Variants in LGR4 observed in about 807,000 individuals in gnomAD.
LGR4 encodes the protein leucine rich repeat containing G protein-coupled receptor 4, also known as leucine-rich repeat-containing G protein-coupled receptor 4.
A neutral mutation model predicts 84.8 loss-of-function variants in LGR4; 44 were observed. The ratio of observed to expected loss-of-function variants is 0.52; its 90% CI spans 0.41 to 0.67. The LOEUF (loss-of-function observed/expected upper bound fraction) is 0.67, where lower values mean the gene tolerates loss of function less well. Among genes scored for constraint, LGR4 ranks in the 30% least tolerant of loss-of-function variants. LGR4 has a pLI of 0.00. For missense variants in LGR4, 1,032 were observed against 1,131.4 expected, an observed-to-expected ratio of 0.91 and a Z score of 1.26; for synonymous variants, 429 against 434.3, an observed-to-expected ratio of 0.99 and a Z score of 0.15.
chr11:27,380,820 T>C (rs541686796), intron 8 of LGR4, 75 bp downstream of exon 8: 1 of 1,184,190 alleles, frequency 8.4e-7, no homozygotes, highest in Non-Finnish European at 1.3e-6. Flanking sequence ...TCTCATTCTT[T>C]ATCAGGGTGT....
chr11:27,437,715 C>T (rs1195439474), intron 1 of LGR4, among the ~76,000 whole-genome samples: 1 of 136,438 alleles, frequency 7.3e-6, no homozygotes, highest in Non-Finnish European at 1.6e-5. Flanking sequence ...TAAAAGAAAT[C>T]ATAAAGCTAG....
rs779480490 is a variant in LGR4, at chr11:27,380,261, CCTTA to C, written c.971+6_971+9del. 1.3e-6 allele frequency: 2 copies of C among 1,585,510 alleles called. No homozygotes were observed. The highest frequency in any genetic ancestry group is 1.1e-5 in the South Asian group (1 of 88,882). On this transcript the variant is annotated splice_donor_region_variant and intron_variant, in intron 10 of 17. Transcript: ENST00000379214. ...CTTTATACAACCCCTCTTCAAAGGG[CCTTA>C]CTTACAGACTTTCCAGGTGGACAGT...
chr11:27,447,814 T>C (rs1224063254), intron 1 of LGR4, among the ~76,000 whole-genome samples: 1 of 152,216 alleles, frequency 6.6e-6, no homozygotes, highest in Non-Finnish European at 1.5e-5. Context: ...CACAATATGT[T>C]TGACTAATGT....
In LGR4 at chr11:27,391,251, T is replaced by C. The variant is rs796908516; in HGVS notation, c.330-86A>G. 1.6e-3 allele frequency: 651 copies of C among 414,940 alleles called. 6 individuals carry two copies. The highest frequency in any genetic ancestry group is 0.016 in the African/African-American group (556 of 35,844). The allele number at this position is 414,940 out of a possible 1,614,324, so 25.7% of individuals were successfully genotyped here. A position where few individuals can be genotyped will look rare whatever the true frequency, so the allele number is the denominator to read the frequency against. On this transcript the variant is annotated intron_variant, in intron 3 of 17. Transcript: ENST00000379214. ...ATTCAGAGCCTTTTTTTTTTTTTTT[T>C]CAAAAAATATTTCCAATGGGAAAAT...
Position 27,394,442 on chromosome 11 carries a change from G to A in LGR4, c.258-1924C>T, listed in dbSNP as rs568298868. On this transcript the variant is annotated intron_variant, in intron 2 of 17. Transcript: ENST00000379214. ...TTTTGAGACGGAGTCTCACTCTGTC[G>A]CCCAGGCTGGAGTGCAGTGGTGCAA... Among the ~76,000 whole-genome samples the A allele has an allele frequency of 7.0e-4, 106 of 151,734 alleles. 1 individual carries two copies. The highest frequency in any genetic ancestry group is 1.4e-3 in the Non-Finnish European group (97 of 67,946).
intron 2 of LGR4, among the ~76,000 whole-genome samples, chr11:27,400,653 C>T (rs533872830): frequency 2.9e-4 from 44 of 152,162 alleles, no homozygotes; most frequent in Non-Finnish European, 5.1e-4. Flanking sequence ...CAGGCGCCCG[C>T]CACTATGCCT....
chr11:27,397,371 T>C (rs1404098616), intron 2 of LGR4, among the ~76,000 whole-genome samples: 1 of 152,192 alleles, frequency 6.6e-6, no homozygotes, highest in African/African-American at 2.4e-5. Flanking sequence ...ACTGCTCTGA[T>C]CTTCTTCAAT....
intron 2 of LGR4, among the ~76,000 whole-genome samples, chr11:27,397,962 C>T (rs529535523): frequency 1.5e-4 from 23 of 152,308 alleles, no homozygotes; most frequent in African/African-American, 5.3e-4. Flanking sequence ...TCTAGATTTC[C>T]GCTTTCCCAC....
intron 1 of LGR4, among the ~76,000 whole-genome samples, chr11:27,466,029 G>A (rs1316379000): frequency 6.6e-6 from 1 of 152,206 alleles, no homozygotes; most frequent in African/African-American, 2.4e-5. Context: ...CCAACAACTT[G>A]AAGGCCGCAC....
Position 27,440,663 on chromosome 11 carries a change from G to A in LGR4, c.186-27803C>T, listed in dbSNP as rs531578675. 8.5e-5 allele frequency among the ~76,000 whole-genome samples: 13 copies of A among 152,176 alleles called. No homozygotes were observed. The South Asian group carries it at 2.5e-3, about 29-fold the overall frequency. Reference sequence around the variant, plus strand: ...TGTAACTTTGTTCCCACAAAGACCCGGAGGCTTCTCTTTATTTTTCACTAA... The same window carrying A: ...TGTAACTTTGTTCCCACAAAGACCCAGAGGCTTCTCTTTATTTTTCACTAA... On this transcript the variant is annotated intron_variant, in intron 1 of 17. Coordinates refer to ENST00000379214, the MANE Select transcript of LGR4 (RefSeq NM_018490.5).
chr11:27,407,876 G>GA (rs1001845575), intron 2 of LGR4, among the ~76,000 whole-genome samples: 1 of 151,870 alleles, frequency 6.6e-6, no homozygotes, highest in Non-Finnish European at 1.5e-5. Flanking sequence ...AAATGGTTCA[G>GA]AAAAAAATGT....
At chr11:27,384,866 C>A (rs892360006) in intron 5 of LGR4, among the ~76,000 whole-genome samples, 2 of 152,264 alleles carry the variant, frequency 1.3e-5, no homozygotes, top group East Asian at 3.9e-4. Context: ...TAAAAACACA[C>A]TGCATCACAT....
intron 2 of LGR4, among the ~76,000 whole-genome samples, chr11:27,397,998 G>A (rs891525692): frequency 6.6e-6 from 1 of 152,180 alleles, no homozygotes; most frequent in Non-Finnish European, 1.5e-5. Context: ...TCCAGGAAGC[G>A]GCATACAAGT....
chr11:27,437,137 C>T (rs1191963194), intron 1 of LGR4, among the ~76,000 whole-genome samples: 1 of 152,064 alleles, frequency 6.6e-6, no homozygotes, highest in Non-Finnish European at 1.5e-5. Context: ...AAAGCTTGGC[C>T]CAGAATGCAA....
intron 1 of LGR4, among the ~76,000 whole-genome samples, chr11:27,415,207 A>T (rs916175584): frequency 6.6e-6 from 1 of 152,180 alleles, no homozygotes; most frequent in Non-Finnish European, 1.5e-5. Context: ...CTTTTCAGTC[A>T]TTCTAATAAA....
At chr11:27,450,296 G>C (rs529754080) in intron 1 of LGR4, among the ~76,000 whole-genome samples, 13 of 152,258 alleles carry the variant, frequency 8.5e-5, no homozygotes, top group African/African-American at 3.1e-4. Flanking sequence ...TAGAGACATG[G>C]GTATATTCCT....
chr11:27,382,132 A>G, intron 7 of LGR4, 56 bp downstream of exon 7: 1 of 1,146,506 alleles, frequency 8.7e-7, no homozygotes, highest in Non-Finnish European at 1.3e-6. Context: ...TTGTTGGAAC[A>G]TTAAATGGTG....
Position 27,371,633 on chromosome 11 carries a change from G to A in LGR4, c.1561C>T (p.His521Tyr), listed in dbSNP as rs1210398305. 1 of 1,612,666 alleles carries A rather than the reference G, an allele frequency of 6.2e-7. No individual in the cohort carries two copies. ...ENEEHSQIII[H>Y]CTPSTGAFKP... ...GGCATACCTGTTGAAGGTGTACAATGGATAATTATTTGACTATGTTCTTCA... is the reference window on the plus strand; with the variant it reads ...GGCATACCTGTTGAAGGTGTACAATAGATAATTATTTGACTATGTTCTTCA... Residue 521 changes from histidine (H) to tyrosine (Y), a missense_variant, in exon 17 of 18, where the codon CAT becomes TAT. By Grantham distance (83) the His-to-Tyr change is moderately conservative. Transcript: ENST00000379214.
intron 1 of LGR4, among the ~76,000 whole-genome samples, chr11:27,430,147 G>C (rs562324700): frequency 6.6e-6 from 1 of 152,170 alleles, no homozygotes; most frequent in East Asian, 1.9e-4. Context: ...TTTTTCCCTA[G>C]TGTGTTTTCC....
Sources: gnomAD v4.1 joint callset for allele counts (sites outside exome capture counted in the v4.1 genomes callset) on GRCh38, gnomAD v4.1.1 for gene constraint, MANE v1.5 for transcripts, NCBI Gene and HGNC (gene_info 2026-07-23, HGNC 2026-07-21) for gene names.